TMC1: variants seen among roughly 807,000 people sequenced by gnomAD.
TMC1 encodes the protein transmembrane channel like 1.
A neutral mutation model predicts 105.8 loss-of-function variants in TMC1; 84 were observed. The ratio of observed to expected loss-of-function variants is 0.79; its 90% CI spans 0.67 to 0.95. The LOEUF (loss-of-function observed/expected upper bound fraction) is 0.95, where lower values mean the gene tolerates loss of function less well. Among genes scored for constraint, TMC1 ranks in the 40% least tolerant of loss-of-function variants. TMC1 has a pLI of 0.00. For missense variants in TMC1, 817 were observed against 914.1 expected, an observed-to-expected ratio of 0.89 and a Z score of 1.37; for synonymous variants, 315 against 311.5, an observed-to-expected ratio of 1.01 and a Z score of -0.12.
At chr9:72,666,391 C>T (rs1826042752) in intron 5 of TMC1, among the ~76,000 whole-genome samples, 1 of 152,160 alleles carries the variant, frequency 6.6e-6, no homozygotes, top group African/African-American at 2.4e-5. Flanking sequence ...CTAATCTAGC[C>T]TGGCAAATCT....
chr9:72,542,690 T>G (rs1823699109), intron 1 of TMC1, among the ~76,000 whole-genome samples: 1 of 151,940 alleles, frequency 6.6e-6, no homozygotes, highest in South Asian at 2.1e-4. Flanking sequence ...CTTCCTTTGT[T>G]TTTTTTTGAG....
intron 1 of TMC1, among the ~76,000 whole-genome samples, chr9:72,557,585 T>C (rs977519146): frequency 1.3e-5 from 2 of 152,266 alleles, no homozygotes; most frequent in Admixed American, 1.3e-4. Flanking sequence ...CCACCACCAC[T>C]AAAGCCATGT....
chr9:72,630,880 T>C (rs934490023), intron 4 of TMC1, among the ~76,000 whole-genome samples: 1 of 151,472 alleles, frequency 6.6e-6, no homozygotes, highest in Admixed American at 6.6e-5. Context: ...TTTTTTTTTT[T>C]CAATTTGAGG....
chr9:72,709,812 GCTTTTTGTT>G (rs1245625492), intron 8 of TMC1, among the ~76,000 whole-genome samples: 3 of 152,038 alleles, frequency 2.0e-5, no homozygotes, highest in Non-Finnish European at 4.4e-5. Flanking sequence ...CGAAGAACCA[GCTTTTTGTT>G]CAATTTATCT....
rs140964243 is a variant in TMC1, at chr9:72,647,346, C to G, written c.-52-1251C>G. 2.5e-3 allele frequency among the ~76,000 whole-genome samples: 387 copies of G among 151,840 alleles called. 2 individuals carry two copies. Among genetic ancestry groups the G allele is most frequent in the African/African-American group, 8.5e-3 (353 of 41,442 alleles). On this transcript the variant is annotated intron_variant, in intron 4 of 23. Transcript: ENST00000297784. ...CATAATCTTCTGGATATGAGTCTTG[C>G]AAAACATCTTTTGTTAATTTTCTCA...
At chr9:72,556,637 C>T (rs1158813150) in intron 1 of TMC1, among the ~76,000 whole-genome samples, 3 of 150,552 alleles carry the variant, frequency 2.0e-5, no homozygotes, top group Non-Finnish European at 3.0e-5. Context: ...TGGCCAACAT[C>T]GTGAAACCCC....
intron 5 of TMC1, among the ~76,000 whole-genome samples, chr9:72,671,440 G>T (rs751678728): frequency 1.1e-4 from 17 of 152,122 alleles, no homozygotes; most frequent in Non-Finnish European, 2.4e-4. Context: ...GTTACATTTT[G>T]GGGTAGTATA....
chr9:72,810,136 T>TAAAA (rs36058524), intron 18 of TMC1, among the ~76,000 whole-genome samples: 3 of 108,000 alleles, frequency 2.8e-5, no homozygotes, highest in Non-Finnish European at 3.9e-5. Context: ...AGGCATAGAT[T>TAAAA]AAAAAAAAAA....
intron 10 of TMC1, among the ~76,000 whole-genome samples, chr9:72,747,225 A>G (rs1301050586): frequency 2.0e-5 from 3 of 152,216 alleles, no homozygotes; most frequent in African/African-American, 4.8e-5. Context: ...ATTCTAGAAA[A>G]TACAAATCAA....
intron 10 of TMC1, among the ~76,000 whole-genome samples, chr9:72,747,869 C>T (rs1297124060): frequency 6.6e-6 from 1 of 152,124 alleles, no homozygotes; most frequent in Non-Finnish European, 1.5e-5. Flanking sequence ...GCTGGGATTA[C>T]AGGAGTGAGC....
At chr9:72,743,581 A>AAAT (rs71359520) in intron 10 of TMC1, among the ~76,000 whole-genome samples, 1 of 122,472 alleles carries the variant, frequency 8.2e-6, no homozygotes, top group African/African-American at 3.4e-5. Flanking sequence ...AAAAAAAAAA[A>AAAT]GAAAGAAAGA....
intron 8 of TMC1, among the ~76,000 whole-genome samples, chr9:72,732,667 A>G (rs1223272648): frequency 6.6e-6 from 1 of 152,040 alleles, no homozygotes; most frequent in Non-Finnish European, 1.5e-5. Flanking sequence ...CAACTTTTGT[A>G]TGTATGTCCT....
intron 6 of TMC1, among the ~76,000 whole-genome samples, chr9:72,689,050 T>C (rs886609194): frequency 4.6e-5 from 7 of 152,156 alleles, no homozygotes; most frequent in African/African-American, 1.7e-4. Flanking sequence ...CTTGTATTCA[T>C]TAAAGCCTTA....
At chr9:72,573,675 A>C (rs918414814) in intron 1 of TMC1, among the ~76,000 whole-genome samples, 3 of 152,108 alleles carry the variant, frequency 2.0e-5, no homozygotes, top group Admixed American at 6.5e-5. Context: ...TCGGAGAAAA[A>C]CAGACTCATT....
chr9:72,812,342 C>T (rs1828720330), intron 18 of TMC1, among the ~76,000 whole-genome samples: 1 of 152,188 alleles, frequency 6.6e-6, no homozygotes, highest in Non-Finnish European at 1.5e-5. Flanking sequence ...AAATCATCAG[C>T]ATCCCATAAG....
intron 20 of TMC1, among the ~76,000 whole-genome samples, chr9:72,825,740 G>T (rs1435673362): frequency 1.3e-5 from 2 of 152,150 alleles, no homozygotes; most frequent in Non-Finnish European, 2.9e-5. Flanking sequence ...ATTTGGAATG[G>T]TGAAAAATAA....
rs563221296 is a variant in TMC1 at position 72,729,473 on chromosome 9, G to C, written c.363-10646G>C. Reference sequence around the variant, plus strand: ...TCTTTAGAGATGTAAAATAAAGTATGGACATGAAAAGTAGTTATTTACCAA... The same window carrying C: ...TCTTTAGAGATGTAAAATAAAGTATCGACATGAAAAGTAGTTATTTACCAA... On this transcript the variant is annotated intron_variant, in intron 8 of 23. Transcript: ENST00000297784. 4.6e-5 allele frequency among the ~76,000 whole-genome samples: 7 copies of C among 152,206 alleles called. No homozygotes were observed. The South Asian group carries it at 1.5e-3, about 32-fold the overall frequency.
At chr9:72,541,437 G>A (rs201959388) in intron 1 of TMC1, among the ~76,000 whole-genome samples, 4 of 151,988 alleles carry the variant, frequency 2.6e-5, no homozygotes, top group Admixed American at 2.0e-4. Flanking sequence ...CCTATAATCC[G>A]AGCACTTTGG....
At chr9:72,688,778 G>A (rs770832842) in intron 6 of TMC1, 22 bp downstream of exon 6, 98 of 1,592,678 alleles carry the variant, frequency 6.2e-5, no homozygotes, top group Middle Eastern at 1.7e-4. Flanking sequence ...TGGGCCACTT[G>A]GGATACATTT....
Sources: gnomAD v4.1 joint callset for allele counts (sites outside exome capture counted in the v4.1 genomes callset) on GRCh38, gnomAD v4.1.1 for gene constraint, MANE v1.5 for transcripts, NCBI Gene and HGNC (gene_info 2026-07-23, HGNC 2026-07-21) for gene names.